Variants in RB1CC1 observed in about 807,000 individuals in gnomAD.
RB1CC1 encodes RB1-inducible coiled-coil protein 1.
A neutral mutation model predicts 177.5 loss-of-function variants in RB1CC1; 46 were observed. That is an observed-to-expected ratio of 0.26 (90% confidence interval 0.20 to 0.33). RB1CC1 has a LOEUF of 0.33. RB1CC1 is among the 10% of genes least tolerant of loss of function. The pLI is 1.00. For missense variants in RB1CC1, 1,703 were observed against 1,816.3 expected (o/e 0.94, Z 1.13); for synonymous variants, 666 against 613.6 (o/e 1.09, Z -1.26).
chr8:52,684,498 G>A (rs922111806), intron 3 of RB1CC1, among the ~76,000 whole-genome samples: 7 of 152,032 alleles, frequency 4.6e-5, no homozygotes, highest in Non-Finnish European at 8.8e-5. Context: ...TTGCCATAAA[G>A]TCTTTGCTAT....
chr8:52,629,453 T>C (rs1848610878), intron 21 of RB1CC1, among the ~76,000 whole-genome samples: 1 of 152,166 alleles, frequency 6.6e-6, no homozygotes, highest in Non-Finnish European at 1.5e-5. Flanking sequence ...AAAAATAAAA[T>C]TTGAAGCCCC....
At chr8:52,695,485 C>T (rs1855313454) in intron 1 of RB1CC1, among the ~76,000 whole-genome samples, 1 of 152,168 alleles carries the variant, frequency 6.6e-6, no homozygotes, top group Non-Finnish European at 1.5e-5. Flanking sequence ...AGTGTAGCAA[C>T]GTGACTCATG....
chr8:52,678,621 TTTTGCTGATATA>T (rs1049421549), intron 5 of RB1CC1, among the ~76,000 whole-genome samples: 39 of 152,192 alleles, frequency 2.6e-4, no homozygotes, highest in African/African-American at 8.7e-4. Context: ...TCTCTATATA[TTTTGCTGATATA>T]TTTGCTGATA....
chr8:52,624,849 T>C, intron 22 of RB1CC1, 62 bp from the exon 23 acceptor site: 1 of 1,232,354 alleles, frequency 8.1e-7, no homozygotes, highest in Non-Finnish European at 1.1e-6. Flanking sequence ...CATGGAAACA[T>C]AACTGCCAGA....
intron 5 of RB1CC1, among the ~76,000 whole-genome samples, chr8:52,682,428 T>A (rs1853840235): frequency 1.3e-5 from 2 of 152,214 alleles, no homozygotes; most frequent in South Asian, 2.1e-4. Context: ...ATGCTTGGTA[T>A]CTGAATCTCA....
intron 1 of RB1CC1, among the ~76,000 whole-genome samples, chr8:52,694,924 T>C (rs1855244542): frequency 6.6e-6 from 1 of 152,238 alleles, no homozygotes; most frequent in South Asian, 2.1e-4. Context: ...ATGTGATTAC[T>C]GGTGAAAATG....
At chr8:52,645,132 C>T (rs945280604) in intron 16 of RB1CC1, among the ~76,000 whole-genome samples, 2 of 152,168 alleles carry the variant, frequency 1.3e-5, no homozygotes, top group African/African-American at 4.8e-5. Context: ...AGCACTACCT[C>T]TTACTATTGA....
intron 7 of RB1CC1, among the ~76,000 whole-genome samples, chr8:52,671,308 T>C (rs1852571926): frequency 6.6e-6 from 1 of 152,226 alleles, no homozygotes; most frequent in Non-Finnish European, 1.5e-5. Context: ...CAATTGGAAT[T>C]AATCTGCAAA....
chr8:52,633,990 G>A (rs879823832), intron 20 of RB1CC1, among the ~76,000 whole-genome samples: 1 of 152,120 alleles, frequency 6.6e-6, no homozygotes, highest in Admixed American at 6.6e-5. Context: ...AGCGGCACTC[G>A]CCTGTACTCC....
chr8:52,635,000 T>C (rs747092829), intron 19 of RB1CC1, 32 bp from the exon 20 acceptor site: 2 of 1,557,392 alleles, frequency 1.3e-6, no homozygotes, highest in South Asian at 1.2e-5. Context: ...CTGTGGTTTA[T>C]CCTTGTACCT....
intron 6 of RB1CC1, among the ~76,000 whole-genome samples, chr8:52,675,714 CA>C (rs1306544323): frequency 0.031 from 1,906 of 61,306 alleles, 101 homozygotes; most frequent in African/African-American, 0.088. Flanking sequence ...ACTAAAAATC[CA>C]AAAAAAAAAA....
chr8:52,661,557 T>C lies in RB1CC1; in HGVS notation c.1336A>G (p.Asn446Asp), dbSNP rs992142063. 6.2e-7 allele frequency: 1 copy of C among 1,607,290 alleles called. No individual in the cohort carries two copies. The highest frequency in any genetic ancestry group is 1.7e-4 in the Middle Eastern group (1 of 5,968). ...KCTTAKQELANNLHVRLKWCC... is the reference protein window; with the variant it reads ...KCTTAKQELADNLHVRLKWCC... ...TACTTCAGTCTGACATGTAGGTTAT[T>C]TGCTAGTTCTTGTTTGGCAGTGGTA... The change falls in exon 9 of 24, where the codon AAT (asparagine) becomes GAT (aspartate). Residue 446 changes from asparagine to aspartate, a missense_variant. Transcript: ENST00000025008.
In RB1CC1 at chr8:52,649,756, T is replaced by C. The variant is rs1850402580; in HGVS notation, c.3822-3889A>G. On this transcript the variant is annotated intron_variant, in intron 15 of 23. Transcript: ENST00000025008. ...GGGAGCAAGGCCATCAATCATGTAG[T>C]AGGTAGATTTCCCAACCCACGCAAA... 3.9e-5 allele frequency among the ~76,000 whole-genome samples: 6 copies of C among 152,210 alleles called. 1 individual carries two copies. The highest frequency in any genetic ancestry group is 3.9e-4 in the Admixed American group (6 of 15,282).
chr8:52,642,700 A>G lies in RB1CC1; in HGVS notation c.4096+4T>C, dbSNP rs775335888. The G allele has an allele frequency of 6.3e-7, 1 of 1,575,536 alleles. No homozygotes were observed. Among genetic ancestry groups the G allele is most frequent in the Non-Finnish European group, 8.6e-7 (1 of 1,167,698 alleles). On this transcript the variant is annotated splice_donor_region_variant and intron_variant, in intron 17 of 23. Coordinates refer to ENST00000025008, the MANE Select transcript of RB1CC1 (RefSeq NM_014781.5). ...TAAAAAAAATAGTACAAAACAGTAC[A>G]AACCTTTATCCCGTTCTTGTTGCTG...
At chr8:52,673,607 T>C (rs1852799903) in intron 7 of RB1CC1, among the ~76,000 whole-genome samples, 1 of 152,184 alleles carries the variant, frequency 6.6e-6, no homozygotes, top group South Asian at 2.1e-4. Flanking sequence ...TGTATGTAAA[T>C]TATTCTTATT....
At chr8:52,671,738 T>C (rs1041775255) in intron 7 of RB1CC1, among the ~76,000 whole-genome samples, 2 of 152,208 alleles carry the variant, frequency 1.3e-5, no homozygotes, top group Non-Finnish European at 2.9e-5. Context: ...GGCATACACG[T>C]GCAGCATGTG....
At chr8:52,702,733 A>C (rs1020003342) in intron 1 of RB1CC1, among the ~76,000 whole-genome samples, 18 of 152,296 alleles carry the variant, frequency 1.2e-4, no homozygotes, top group African/African-American at 4.3e-4. Context: ...GAAGAAGAAA[A>C]AAATGTAGAT....
chr8:52,629,328 C>T (rs995947408), intron 21 of RB1CC1, among the ~76,000 whole-genome samples: 9 of 152,160 alleles, frequency 5.9e-5, no homozygotes, highest in Admixed American at 2.6e-4. Flanking sequence ...GCTAACAATG[C>T]TTTTATTATT....
chr8:52,643,326 A>G (rs1849734161), intron 16 of RB1CC1: 1 of 152,288 alleles, frequency 6.6e-6, no homozygotes, highest in African/African-American at 2.4e-5. Flanking sequence ...CACATATCCA[A>G]CTGCCTGCAT....
Sources: allele counts gnomAD v4.1 joint callset (sites outside exome capture counted in the v4.1 genomes callset), GRCh38; gene constraint gnomAD v4.1.1; transcripts MANE v1.5; gene names NCBI Gene and HGNC (gene_info 2026-07-23, HGNC 2026-07-21).